Variants in HTR7 observed in about 807,000 individuals in gnomAD.
The protein encoded by HTR7 is 5-HT-7.
In HTR7, 16 loss-of-function variants were observed where a neutral mutation model predicts 34.0. That is an observed-to-expected ratio of 0.47 (90% CI 0.32 to 0.71). HTR7 has a LOEUF of 0.71. Ranked by LOEUF, HTR7 falls within the 30% of genes least tolerant of loss-of-function variation. HTR7 has a pLI of 0.04. For synonymous variants in HTR7, 265 were observed against 260.2 expected (o/e 1.02, Z -0.18); for missense variants, 504 against 625.5 (o/e 0.81, Z 2.07).
At chr10:90,819,039 T>C (rs1845939299) in intron 1 of HTR7, among the ~76,000 whole-genome samples, 1 of 152,306 alleles carries the variant, frequency 6.6e-6, no homozygotes, top group South Asian at 2.1e-4. Context: ...TGTGGACCCA[T>C]GAGCCAATTA....
intron 1 of HTR7, among the ~76,000 whole-genome samples, chr10:90,830,908 C>T (rs1054058167): frequency 2.0e-5 from 3 of 152,076 alleles, no homozygotes; most frequent in Non-Finnish European, 4.4e-5. Flanking sequence ...ACTAGTCTTT[C>T]CACACTAGGG....
Position 90,858,000 on chromosome 10 carries a change from C to G in HTR7, c.-329G>C, listed in dbSNP as rs955838279. On this transcript the variant is annotated 5_prime_UTR_variant, in exon 1 of 4. Transcript: ENST00000336152. The surrounding 1 kb of genome is among the most constrained non-coding windows in gnomAD (Gnocchi z 6.5). Reference sequence around the variant, plus strand: ...GTTCGCAGCAGCAGCTCGGCTGCGCCGAGAGCGCCCGGGCGGCAGCGGCAG... The same window carrying G: ...GTTCGCAGCAGCAGCTCGGCTGCGCGGAGAGCGCCCGGGCGGCAGCGGCAG... 6.6e-5 allele frequency among the ~76,000 whole-genome samples: 10 copies of G among 150,474 alleles called. No individual in the cohort carries two copies. The highest frequency in any genetic ancestry group is 1.9e-4 in the African/African-American group (8 of 41,302).
chr10:90,826,941 A>C (rs1402432357), intron 1 of HTR7, among the ~76,000 whole-genome samples: 1 of 151,764 alleles, frequency 6.6e-6, no homozygotes, highest in Admixed American at 6.6e-5. Context: ...CATCTCAAAA[A>C]ATAAAAATAA....
intron 2 of HTR7, among the ~76,000 whole-genome samples, chr10:90,744,309 T>C (rs1393284346): frequency 1.3e-5 from 2 of 150,552 alleles, no homozygotes; most frequent in Non-Finnish European, 3.0e-5. Flanking sequence ...TGTCCCTTAC[T>C]CATCTTTCTA....
chr10:90,842,122 G>A (rs902305258), intron 1 of HTR7, among the ~76,000 whole-genome samples: 7 of 152,198 alleles, frequency 4.6e-5, no homozygotes, highest in African/African-American at 1.4e-4. Context: ...AGTATTAAGA[G>A]GCAGACTTTT....
chr10:90,748,912 G>T lies in HTR7; in HGVS notation c.1222C>A (p.Arg408=). Residue 408 remains arginine, a synonymous_variant, in exon 2 of 4, where the codon CGG becomes AGG. Transcript: ENST00000336152. ...TGCATGCCTGCAGCTGAGAGCTTCCGGTTGATATTCCGGTACTGGCACTGG... is the reference window on the plus strand; with the variant it reads ...TGCATGCCTGCAGCTGAGAGCTTCCTGTTGATATTCCGGTACTGGCACTGG... ...LLQCQYRNIN[R]KLSAAGMHEA... is the part of the protein sequence containing the mutation. The T allele has an allele frequency of 3.7e-6, 6 of 1,614,152 alleles. No homozygotes were observed. The highest frequency in any genetic ancestry group is 5.1e-6 in the Non-Finnish European group (6 of 1,180,014).
intron 1 of HTR7, among the ~76,000 whole-genome samples, chr10:90,831,487 A>G (rs1846176622): frequency 6.6e-6 from 1 of 152,204 alleles, no homozygotes; most frequent in Non-Finnish European, 1.5e-5. Context: ...TCATAAAAGC[A>G]GTGTGGACCC....
chr10:90,857,549 C>G lies in HTR7; in HGVS notation c.123G>C (p.Ala41=). Residue 41 remains alanine, a synonymous_variant, in exon 1 of 4, where the codon GCG becomes GCC. Transcript: ENST00000336152. The surrounding 1 kb of genome is among the most constrained non-coding windows in gnomAD (Gnocchi z 6.5). ...LSPDGGADPV[A]GSWAPHLLSE... is the part of the protein sequence containing the mutation. The stretch of plus-strand genomic sequence containing the variant: ...TCAGCAGGTGCGGCGCCCAGGAGCC[C>G]GCGACCGGGTCGGCGCCACCGTCGG... 6.2e-7 allele frequency: 1 copy of G among 1,600,020 alleles called. No individual in the cohort carries two copies. The highest frequency in any genetic ancestry group is 2.3e-5 in the East Asian group (1 of 44,374).
At chr10:90,745,919 T>TAAA (rs1328986967) in intron 2 of HTR7, among the ~76,000 whole-genome samples, 14 of 152,308 alleles carry the variant, frequency 9.2e-5, no homozygotes, top group African/African-American at 3.4e-4. Context: ...ACCTCTGTCT[T>TAAA]AAGCTTACAG....
intron 1 of HTR7, among the ~76,000 whole-genome samples, chr10:90,789,655 C>T (rs1190480519): frequency 6.6e-6 from 1 of 152,074 alleles, no homozygotes; most frequent in East Asian, 1.9e-4. Flanking sequence ...ATCAGCCTTT[C>T]GTGATTGCAT....
intron 1 of HTR7, among the ~76,000 whole-genome samples, chr10:90,839,264 G>T (rs1846293730): frequency 1.3e-5 from 2 of 152,152 alleles, no homozygotes; most frequent in South Asian, 4.1e-4. Context: ...GAAAATAGCA[G>T]AGACTTTTCA....
intron 1 of HTR7, among the ~76,000 whole-genome samples, chr10:90,752,780 C>A (rs1279451263): frequency 6.6e-6 from 1 of 152,136 alleles, no homozygotes; most frequent in Admixed American, 6.5e-5. Flanking sequence ...TGAAGTCTCA[C>A]AACTGGCCAG....
At chr10:90,792,669 T>C (rs554956529) in intron 1 of HTR7, among the ~76,000 whole-genome samples, 1 of 152,210 alleles carries the variant, frequency 6.6e-6, no homozygotes, top group South Asian at 2.1e-4. Flanking sequence ...CTATCATAAG[T>C]TGAAAATATC....
intron 2 of HTR7, among the ~76,000 whole-genome samples, chr10:90,746,461 C>T (rs1589433241): frequency 6.6e-6 from 1 of 152,140 alleles, no homozygotes; most frequent in African/African-American, 2.4e-5. Flanking sequence ...ACACTGGCTG[C>T]TTAACTGGAT....
intron 1 of HTR7, among the ~76,000 whole-genome samples, chr10:90,822,445 A>C (rs1845999243): frequency 6.6e-6 from 1 of 152,262 alleles, no homozygotes; most frequent in Admixed American, 6.5e-5. Context: ...AAAGCATTCA[A>C]GACATGGCCT....
chr10:90,787,534 A>G (rs1845399379), intron 1 of HTR7, among the ~76,000 whole-genome samples: 1 of 152,020 alleles, frequency 6.6e-6, no homozygotes, highest in Non-Finnish European at 1.5e-5. Context: ...AAAGCTCACT[A>G]CCTTCACTGG....
intron 1 of HTR7, among the ~76,000 whole-genome samples, chr10:90,793,536 CAAA>C (rs34846867): frequency 7.5e-6 from 1 of 132,792 alleles, no homozygotes; most frequent in Non-Finnish European, 1.6e-5. Flanking sequence ...TAAGAAAGCT[CAAA>C]AAAAAAAAAA....
chr10:90,746,843 T>C (rs1844645907), intron 2 of HTR7, among the ~76,000 whole-genome samples: 1 of 152,166 alleles, frequency 6.6e-6, no homozygotes, highest in Non-Finnish European at 1.5e-5. Context: ...ATTTCCTTCA[T>C]CTGAGAAACT....
In HTR7 at chr10:90,857,800, G is replaced by T; in HGVS notation, c.-129C>A. 2 of 891,052 alleles carry T rather than the reference G, an allele frequency of 2.2e-6. No homozygotes were observed. The highest frequency in any genetic ancestry group is 3.7e-5 in the South Asian group (1 of 27,314). The allele number at this position is 891,052 out of a possible 1,614,324, so 55.2% of individuals were successfully genotyped here. On this transcript the variant is annotated 5_prime_UTR_variant, in exon 1 of 4. Transcript: ENST00000336152. The surrounding 1 kb of genome is among the most constrained non-coding windows in gnomAD (Gnocchi z 6.5). ...GCCATGGGGCCCGCGCCGACCGCTG[G>T]GGGGCGCCTGGCTCTGTCTCGGAGC... is the stretch of plus-strand genomic sequence containing the variant.
Sources: gnomAD v4.1 joint callset for allele counts (sites outside exome capture counted in the v4.1 genomes callset) on GRCh38, gnomAD v4.1.1 for gene constraint, Gnocchi (gnomAD v3.1) non-coding constraint, MANE v1.5 for transcripts, NCBI Gene and HGNC (gene_info 2026-07-23, HGNC 2026-07-21) for gene names.